Variants in RABGAP1L observed in about 807,000 individuals in gnomAD.
RABGAP1L encodes RAB GTPase activating protein 1 like, also known as rab GTPase-activating protein 1-like.
A neutral mutation model predicts 137.7 loss-of-function variants in RABGAP1L; 63 were observed. That is an observed-to-expected ratio of 0.46 (90% CI 0.37 to 0.56). The LOEUF is 0.56. Ranked by LOEUF, RABGAP1L falls within the 20% of genes least tolerant of loss-of-function variation. The pLI, the probability that RABGAP1L is intolerant of heterozygous loss-of-function variation, is 0.00. For synonymous variants in RABGAP1L, 431 were observed against 433.7 expected (o/e 0.99, Z 0.08); for missense variants, 1,095 against 1,244.0 (o/e 0.88, Z 1.80).
chr1:174,786,557 G>A (rs1402479496), intron 18 of RABGAP1L, among the ~76,000 whole-genome samples: 2 of 152,134 alleles, frequency 1.3e-5, no homozygotes, highest in Non-Finnish European at 2.9e-5. Context: ...ATCATCATGA[G>A]AACCCCCACA....
At chr1:174,860,895 A>G (rs72717637) in intron 19 of RABGAP1L, among the ~76,000 whole-genome samples, 34,957 of 152,054 alleles carry the variant, frequency 0.23, 4,448 homozygotes, top group Non-Finnish European at 0.27. Flanking sequence ...AACACATCCA[A>G]TACCCCATAT....
intron 17 of RABGAP1L, among the ~76,000 whole-genome samples, chr1:174,724,916 G>A (rs774583188): frequency 2.7e-4 from 41 of 152,194 alleles, no homozygotes; most frequent in Non-Finnish European, 1.2e-4. Context: ...GTGATGAGTA[G>A]GGGAAGTGCA....
intron 13 of RABGAP1L, among the ~76,000 whole-genome samples, chr1:174,566,733 T>C (rs186511058): frequency 3.2e-4 from 49 of 152,308 alleles, no homozygotes; most frequent in African/African-American, 1.1e-3. Flanking sequence ...TTTGTATTTA[T>C]GTGCAAGAGT....
At chr1:174,794,847 T>C (rs1033303988) in intron 18 of RABGAP1L, among the ~76,000 whole-genome samples, 4 of 152,230 alleles carry the variant, frequency 2.6e-5, no homozygotes, top group African/African-American at 7.2e-5. Context: ...CAGAAGGTGT[T>C]TCCTTTTTCA....
At chr1:174,611,970 G>T (rs1402683514) in intron 13 of RABGAP1L, among the ~76,000 whole-genome samples, 3 of 152,094 alleles carry the variant, frequency 2.0e-5, no homozygotes, top group African/African-American at 7.2e-5. Flanking sequence ...AGACATTGGG[G>T]TTTCTAGATA....
intron 1 of RABGAP1L, among the ~76,000 whole-genome samples, chr1:174,195,433 AT>A (rs1359419228): frequency 6.6e-6 from 1 of 151,990 alleles, no homozygotes; most frequent in African/African-American, 2.4e-5. Flanking sequence ...TCCGATTCAG[AT>A]TTTTCTTCAG....
intron 13 of RABGAP1L, among the ~76,000 whole-genome samples, chr1:174,579,890 T>C (rs555579888): frequency 1.3e-5 from 2 of 152,294 alleles, no homozygotes; most frequent in East Asian, 1.9e-4. Context: ...GTCTCCTGAG[T>C]AGCTGGGATT....
intron 13 of RABGAP1L, among the ~76,000 whole-genome samples, chr1:174,599,769 C>T (rs1670273441): frequency 6.6e-6 from 1 of 151,912 alleles, no homozygotes; most frequent in African/African-American, 2.4e-5. Flanking sequence ...TATCTTTGAC[C>T]TTTGGGAGTT....
In RABGAP1L at chr1:174,990,027, C is replaced by A; in HGVS notation, c.*26C>A. On this transcript the variant is annotated 3_prime_UTR_variant, in exon 26 of 26. Transcript: ENST00000681986. ...TTCCAGCCTTACCCAAGCACAAGAG[C>A]ACAATGTTCAAACCAATGGAAATCT... is the stretch of plus-strand genomic sequence containing the variant. 1 of 1,507,430 alleles carries A rather than the reference C, an allele frequency of 6.6e-7. No homozygotes were observed. The highest frequency in any genetic ancestry group is 9.0e-7 in the Non-Finnish European group (1 of 1,109,138). 93.4% of individuals were successfully genotyped at this position (1,507,430 alleles called of 1,614,324 possible). A position where few individuals can be genotyped will look rare whatever the true frequency, so the allele number is the denominator to read the frequency against.
intron 13 of RABGAP1L, among the ~76,000 whole-genome samples, chr1:174,423,893 A>G (rs945652622): frequency 1.3e-5 from 2 of 152,156 alleles, no homozygotes; most frequent in African/African-American, 4.8e-5. Context: ...GTTTGGAACC[A>G]AACTTTCTCT....
chr1:174,796,440 A>C (rs957227486), intron 18 of RABGAP1L, among the ~76,000 whole-genome samples: 2 of 152,198 alleles, frequency 1.3e-5, no homozygotes, highest in Non-Finnish European at 2.9e-5. Flanking sequence ...AAATCCCTAG[A>C]ATCTCTTTTT....
At chr1:174,700,929 A>G (rs1239047182) in intron 16 of RABGAP1L, 4 of 480,756 alleles carry the variant, frequency 8.3e-6, no homozygotes, top group South Asian at 2.3e-5. Context: ...GATGTGTGGT[A>G]CTATGAAGAA....
intron 13 of RABGAP1L, among the ~76,000 whole-genome samples, chr1:174,534,438 A>G (rs1397769766): frequency 1.3e-5 from 2 of 152,016 alleles, no homozygotes; most frequent in East Asian, 3.9e-4. Context: ...TTAATTTATA[A>G]TGTTTGCACG....
intron 12 of RABGAP1L, among the ~76,000 whole-genome samples, chr1:174,392,821 T>G (rs985183175): frequency 6.6e-6 from 1 of 152,178 alleles, no homozygotes; most frequent in African/African-American, 2.4e-5. Flanking sequence ...GCTCAAAACT[T>G]GAAACCAGAG....
intron 13 of RABGAP1L, among the ~76,000 whole-genome samples, chr1:174,498,803 G>A (rs538780391): frequency 5.3e-5 from 8 of 151,742 alleles, no homozygotes; most frequent in South Asian, 4.2e-4. Context: ...GAGCCACCGC[G>A]CCTGGCCTGA....
At chr1:174,370,083 T>C (rs1489483942) in intron 11 of RABGAP1L, among the ~76,000 whole-genome samples, 1 of 152,220 alleles carries the variant, frequency 6.6e-6, no homozygotes, top group Non-Finnish European at 1.5e-5. Flanking sequence ...TTAACACAGA[T>C]CCCCGTGGGA....
chr1:174,783,831 C>T (rs1471467337), intron 18 of RABGAP1L, among the ~76,000 whole-genome samples: 1 of 149,902 alleles, frequency 6.7e-6, no homozygotes, highest in African/African-American at 2.5e-5. Flanking sequence ...GCCTCAGTCT[C>T]CCTAGTGGCT....
intron 13 of RABGAP1L, among the ~76,000 whole-genome samples, chr1:174,547,147 A>G (rs1226554882): frequency 1.3e-5 from 2 of 152,114 alleles, no homozygotes; most frequent in African/African-American, 2.4e-5. Context: ...TTAAAATTAA[A>G]CAGACCTGTA....
chr1:174,239,354 A>C (rs1196291774), intron 4 of RABGAP1L, among the ~76,000 whole-genome samples: 4 of 152,192 alleles, frequency 2.6e-5, no homozygotes, highest in African/African-American at 9.6e-5. Flanking sequence ...GTCTTCATTC[A>C]CTACATTCCA....
Sources: allele counts gnomAD v4.1 joint callset (sites outside exome capture counted in the v4.1 genomes callset), GRCh38; gene constraint gnomAD v4.1.1; transcripts MANE v1.5; gene names NCBI Gene and HGNC (gene_info 2026-07-23, HGNC 2026-07-21).